The following ZFAND3 variants were observed in gnomAD, a reference collection of about 807,000 sequenced individuals.
ZFAND3 encodes the protein zinc finger AN1-type containing 3.
A neutral mutation model predicts 29.6 loss-of-function variants in ZFAND3; 10 were observed. The observed-to-expected ratio is 0.34, with a 90% CI of 0.21 to 0.57. ZFAND3 has a LOEUF of 0.57. Among genes scored for constraint, ZFAND3 ranks in the 20% least tolerant of loss-of-function variants. ZFAND3 has a pLI of 0.86. For synonymous variants in ZFAND3, 128 were observed against 112.6 expected (o/e 1.14, Z -0.87); for missense variants, 230 against 304.5 (o/e 0.76, Z 1.82).
chr6:38,096,424 G>A (rs1349324335), intron 4 of ZFAND3, among the ~76,000 whole-genome samples: 2 of 152,204 alleles, frequency 1.3e-5, no homozygotes, highest in East Asian at 3.8e-4. Context: ...ACCCGCCTCA[G>A]CCACCCAAAG....
At chr6:38,038,732 A>G (rs185940974) in intron 2 of ZFAND3, among the ~76,000 whole-genome samples, 75 of 152,310 alleles carry the variant, frequency 4.9e-4, no homozygotes, top group Admixed American at 1.8e-3. Context: ...GTAGACTTTC[A>G]TAGTCATTTG....
chr6:37,953,420 G>GT (rs1386776871), intron 2 of ZFAND3, among the ~76,000 whole-genome samples: 1 of 133,894 alleles, frequency 7.5e-6, no homozygotes, highest in Non-Finnish European at 1.6e-5. Context: ...GTTGTCATAC[G>GT]TTTTACTTTT....
intron 2 of ZFAND3, among the ~76,000 whole-genome samples, chr6:38,013,047 C>T (rs1215661811): frequency 3.3e-5 from 5 of 152,214 alleles, no homozygotes; most frequent in South Asian, 2.1e-4. Context: ...CTAAATTTTA[C>T]GTAGTCAACT....
At chr6:38,056,610 C>T (rs1028819664) in intron 2 of ZFAND3, among the ~76,000 whole-genome samples, 7 of 152,128 alleles carry the variant, frequency 4.6e-5, no homozygotes, top group Admixed American at 1.3e-4. Context: ...GGACAAAGTG[C>T]TTTCACAGTG....
intron 2 of ZFAND3, among the ~76,000 whole-genome samples, chr6:38,038,342 A>T (rs1051976444): frequency 2.0e-5 from 3 of 152,198 alleles, no homozygotes; most frequent in South Asian, 4.1e-4. Context: ...TAAAAAGGAG[A>T]TTCTGCTTAG....
chr6:37,944,392 G>A (rs1307214065), intron 2 of ZFAND3, among the ~76,000 whole-genome samples: 3 of 152,054 alleles, frequency 2.0e-5, no homozygotes, highest in Admixed American at 6.6e-5. Context: ...TGTGGAAATG[G>A]ATCTTTTTTA....
At chr6:37,874,168 C>T (rs1764750035) in intron 1 of ZFAND3, among the ~76,000 whole-genome samples, 1 of 152,194 alleles carries the variant, frequency 6.6e-6, no homozygotes, top group Non-Finnish European at 1.5e-5. Flanking sequence ...TGGCCATCTT[C>T]TCCCTGTGTG....
At chr6:38,072,111 T>C (rs1764465714) in intron 3 of ZFAND3, among the ~76,000 whole-genome samples, 1 of 150,514 alleles carries the variant, frequency 6.6e-6, no homozygotes, top group Non-Finnish European at 1.5e-5. Context: ...CTCAGACTTT[T>C]GGAATAATGA....
chr6:37,899,025 A>C (rs755927006), intron 1 of ZFAND3, among the ~76,000 whole-genome samples: 23 of 152,232 alleles, frequency 1.5e-4, no homozygotes, highest in Non-Finnish European at 2.9e-4. Flanking sequence ...CCTCGCAAGT[A>C]GCCGGTACTA....
chr6:38,045,400 G>A (rs995090590), intron 2 of ZFAND3, among the ~76,000 whole-genome samples: 1 of 151,960 alleles, frequency 6.6e-6, no homozygotes, highest in East Asian at 1.9e-4. Context: ...TTCCTATGTC[G>A]AAATTCTAAT....
At chr6:38,143,872 G>A (rs1766013137) in intron 5 of ZFAND3, among the ~76,000 whole-genome samples, 1 of 152,186 alleles carries the variant, frequency 6.6e-6, no homozygotes, top group Admixed American at 6.5e-5. Context: ...ATGCAAAGCA[G>A]ATGCCTTCCA....
At chr6:37,949,578 T>A (rs1052496783) in intron 2 of ZFAND3, among the ~76,000 whole-genome samples, 1 of 152,184 alleles carries the variant, frequency 6.6e-6, no homozygotes, top group African/African-American at 2.4e-5. Flanking sequence ...AAGCCCAGGT[T>A]TCCGGAACTT....
intron 5 of ZFAND3, among the ~76,000 whole-genome samples, chr6:38,130,738 A>G (rs1250500674): frequency 6.6e-6 from 1 of 152,162 alleles, no homozygotes; most frequent in Non-Finnish European, 1.5e-5. Flanking sequence ...GGATTTTAGC[A>G]TATATGTTCA....
intron 1 of ZFAND3, among the ~76,000 whole-genome samples, chr6:37,826,090 T>C (rs1030402425): frequency 6.7e-6 from 1 of 150,028 alleles, no homozygotes; most frequent in African/African-American, 2.4e-5. Context: ...AAGTCCCCTC[T>C]CTTGCAAAAA....
intron 4 of ZFAND3, among the ~76,000 whole-genome samples, chr6:38,113,171 C>G (rs1293619801): frequency 6.6e-6 from 1 of 152,188 alleles, no homozygotes; most frequent in Non-Finnish European, 1.5e-5. Flanking sequence ...AAACATAACA[C>G]ATTCTGTTAG....
At chr6:38,012,377 ATTTTTTTTT>A (rs67495073) in intron 2 of ZFAND3, among the ~76,000 whole-genome samples, 1 of 123,340 alleles carries the variant, frequency 8.1e-6, no homozygotes, top group African/African-American at 3.1e-5. Flanking sequence ...TTTTGATAGT[ATTTTTTTTT>A]TTTTTTTTTT....
intron 1 of ZFAND3, among the ~76,000 whole-genome samples, chr6:37,870,841 C>T (rs961488141): frequency 6.6e-5 from 10 of 152,188 alleles, no homozygotes; most frequent in South Asian, 2.1e-4. Flanking sequence ...CACCACTCCT[C>T]GCTATAAATC....
At chr6:38,062,053 C>T (rs1230980497) in intron 3 of ZFAND3, among the ~76,000 whole-genome samples, 3 of 152,198 alleles carry the variant, frequency 2.0e-5, no homozygotes, top group African/African-American at 7.2e-5. Context: ...GTTTTTAAAA[C>T]AATTTTAATC....
At chr6:37,927,463 AG>A (rs1761505960) in intron 1 of ZFAND3, among the ~76,000 whole-genome samples, 1 of 152,174 alleles carries the variant, frequency 6.6e-6, no homozygotes, top group Non-Finnish European at 1.5e-5. Context: ...ATGAGAGGGG[AG>A]GGGACAATCC....
Sources: allele counts gnomAD v4.1 joint callset (sites outside exome capture counted in the v4.1 genomes callset), GRCh38; gene constraint gnomAD v4.1.1; transcripts MANE v1.5; gene names NCBI Gene and HGNC (gene_info 2026-07-23, HGNC 2026-07-21).